The following RIMS1 variants were observed in gnomAD, a reference collection of about 807,000 sequenced individuals.
RIMS1 encodes regulating synaptic membrane exocytosis protein 1.
Under a neutral mutation model 214.1 loss-of-function variants are expected in RIMS1, and 83 were observed. The ratio of observed to expected loss-of-function variants is 0.39; its 90% confidence interval spans 0.32 to 0.47. RIMS1 has a LOEUF of 0.47. Among genes scored for constraint, RIMS1 ranks in the 20% least tolerant of loss-of-function variants. The pLI is 0.99. For synonymous variants in RIMS1, 793 were observed against 786.8 expected (o/e 1.01, Z -0.13); for missense variants, 2,050 against 2,161.8 (o/e 0.95, Z 1.03).
chr6:71,990,628 G>T (rs921976060), intron 2 of RIMS1, among the ~76,000 whole-genome samples: 1 of 151,746 alleles, frequency 6.6e-6, no homozygotes, highest in Non-Finnish European at 1.5e-5. Flanking sequence ...ATTTAATAAA[G>T]AAATCGGAGA....
At chr6:71,995,988 T>C (rs1384947700) in intron 2 of RIMS1, among the ~76,000 whole-genome samples, 1 of 152,154 alleles carries the variant, frequency 6.6e-6, no homozygotes, top group Admixed American at 6.6e-5. Flanking sequence ...AATTTCATCA[T>C]GTTGGCCAGG....
intron 29 of RIMS1, among the ~76,000 whole-genome samples, chr6:72,337,044 A>G (rs2096865866): frequency 6.6e-6 from 1 of 151,866 alleles, no homozygotes; most frequent in African/African-American, 2.4e-5. Flanking sequence ...CTCTTAAAAT[A>G]ACTTCGGATT....
intron 2 of RIMS1, among the ~76,000 whole-genome samples, chr6:71,985,798 G>A (rs1799769232): frequency 1.3e-5 from 2 of 152,078 alleles, no homozygotes; most frequent in Non-Finnish European, 2.9e-5. Context: ...TCTGCCTGGA[G>A]TGCCCCTCGC....
chr6:72,363,208 T>C (rs529264414), intron 29 of RIMS1, among the ~76,000 whole-genome samples: 2 of 151,948 alleles, frequency 1.3e-5, no homozygotes, highest in African/African-American at 4.8e-5. Context: ...AGGAATATTA[T>C]AGATAATGAC....
chr6:72,028,826 G>A (rs1817274396), intron 2 of RIMS1, among the ~76,000 whole-genome samples: 1 of 152,104 alleles, frequency 6.6e-6, no homozygotes, highest in Non-Finnish European at 1.5e-5. Flanking sequence ...TGTAAAGATG[G>A]AGATTCAATA....
chr6:72,288,058 C>T (rs2092694671), intron 24 of RIMS1, among the ~76,000 whole-genome samples: 1 of 152,042 alleles, frequency 6.6e-6, no homozygotes. Context: ...ATGGTACATC[C>T]TGAGATGTGA....
chr6:72,092,281 C>CTTCT (rs1172430633), intron 2 of RIMS1, among the ~76,000 whole-genome samples: 1 of 134,408 alleles, frequency 7.4e-6, no homozygotes, highest in African/African-American at 2.6e-5. Flanking sequence ...CCCTCCCTCC[C>CTTCT]TCCCTCCCTC....
chr6:72,387,013 T>A (rs139080878), intron 29 of RIMS1, among the ~76,000 whole-genome samples: 1 of 152,218 alleles, frequency 6.6e-6, no homozygotes, highest in African/African-American at 2.4e-5. Flanking sequence ...GGATTACAGG[T>A]GTGAGCCACT....
intron 2 of RIMS1, among the ~76,000 whole-genome samples, chr6:72,089,819 C>T (rs1028527702): frequency 7.4e-5 from 9 of 121,734 alleles, no homozygotes; most frequent in African/African-American, 2.1e-4. Context: ...CACATATACA[C>T]CATGGAATAC....
intron 23 of RIMS1, among the ~76,000 whole-genome samples, chr6:72,275,074 T>C (rs1312801339): frequency 7.0e-6 from 1 of 143,648 alleles, no homozygotes; most frequent in Non-Finnish European, 1.5e-5. Flanking sequence ...TCCATTACTT[T>C]GTTATTCTTC....
In RIMS1 at chr6:72,160,224, C is replaced by T. The variant is rs1452427279; in HGVS notation, c.472-19351C>T. Reference sequence around the variant, plus strand: ...TGTATAAGAATGCTTGTGATTTTTGCAAATTGATTTTGTATCCTGAGACTG... The same window carrying T: ...TGTATAAGAATGCTTGTGATTTTTGTAAATTGATTTTGTATCCTGAGACTG... On this transcript the variant is annotated intron_variant, in intron 4 of 33. Coordinates refer to ENST00000521978, the MANE Select transcript of RIMS1 (RefSeq NM_014989.7). Among the ~76,000 whole-genome samples, 6 of 65,462 alleles carry T rather than the reference C, an allele frequency of 9.2e-5. No individual in the cohort carries two copies. The East Asian group carries it at 1.6e-3, about 17-fold the overall frequency. 42.9% of individuals were successfully genotyped at this position (65,462 alleles called of 152,430 possible).
intron 1 of RIMS1, among the ~76,000 whole-genome samples, chr6:71,899,491 AAC>A (rs528076097): frequency 1.3e-5 from 2 of 150,988 alleles, no homozygotes; most frequent in East Asian, 1.9e-4. Flanking sequence ...CACACACACA[AAC>A]ACACACACAC....
chr6:72,013,421 T>C (rs1219561353), intron 2 of RIMS1, among the ~76,000 whole-genome samples: 1 of 152,200 alleles, frequency 6.6e-6, no homozygotes, highest in Non-Finnish European at 1.5e-5. Context: ...CTAAATGCCA[T>C]GGCTATGTAG....
chr6:72,283,197 C>CT (rs201220002), intron 23 of RIMS1, among the ~76,000 whole-genome samples: 33 of 151,074 alleles, frequency 2.2e-4, no homozygotes, highest in East Asian at 1.2e-3. Flanking sequence ...GGGTTTCTCT[C>CT]TTTTTTTTTG....
chr6:71,892,482 C>G (rs954151038), intron 1 of RIMS1, among the ~76,000 whole-genome samples: 2 of 152,038 alleles, frequency 1.3e-5, no homozygotes, highest in African/African-American at 4.8e-5. Context: ...CATGTTCCAC[C>G]CTTTTCTGAG....
At chr6:72,041,691 G>C (rs1821479718) in intron 2 of RIMS1, among the ~76,000 whole-genome samples, 1 of 151,816 alleles carries the variant, frequency 6.6e-6, no homozygotes. Flanking sequence ...AATAACTATA[G>C]CATATGCATG....
chr6:72,150,461 T>C (rs1275157570), intron 4 of RIMS1, among the ~76,000 whole-genome samples: 2 of 152,164 alleles, frequency 1.3e-5, no homozygotes, highest in African/African-American at 4.8e-5. Context: ...CTCCTGCCAC[T>C]ATTATCAGGA....
At chr6:72,125,803 G>A (rs531552928) in intron 4 of RIMS1, among the ~76,000 whole-genome samples, 1 of 152,222 alleles carries the variant, frequency 6.6e-6, no homozygotes, top group African/African-American at 2.4e-5. Context: ...CCAGGTGTGG[G>A]ATATAATCTC....
Position 72,097,081 on chromosome 6 carries a change from T to G in RIMS1, c.378T>G (p.Asp126Glu). The G allele has an allele frequency of 6.2e-7, 1 of 1,613,994 alleles. No individual in the cohort carries two copies. Among genetic ancestry groups the G allele is most frequent in the South Asian group, 1.1e-5 (1 of 91,082 alleles). Residue 126 changes from aspartate to glutamate, a missense_variant, in exon 3 of 34, where the codon GAT becomes GAG. Around this residue, in one of 6 missense-constraint regions of RIMS1, gnomAD observed 882 missense variants for 828.9 expected, o/e 1.06. Coordinates refer to ENST00000521978, the MANE Select transcript of RIMS1 (RefSeq NM_014989.7). ...CGICHKTKFA[D>E]GCGHLCSYCR... Reference sequence around the variant, plus strand: ...TCTGTCATAAAACAAAGTTTGCTGATGGGTGCGGTCATCTCTGCTCCTATT... The same window carrying G: ...TCTGTCATAAAACAAAGTTTGCTGAGGGGTGCGGTCATCTCTGCTCCTATT...
Sources: allele counts gnomAD v4.1 joint callset (sites outside exome capture counted in the v4.1 genomes callset), GRCh38; gene constraint gnomAD v4.1.1; regional missense constraint gnomAD v4.1.1; transcripts MANE v1.5; gene names NCBI Gene and HGNC (gene_info 2026-07-23, HGNC 2026-07-21).